WASHC2A: variants seen among roughly 807,000 people sequenced by gnomAD.
WASHC2A encodes the protein WASH complex subunit FAM21A.
In WASHC2A, 82 loss-of-function variants were observed where a neutral mutation model predicts 140.3. The ratio of observed to expected loss-of-function variants is 0.58; its 90% confidence interval spans 0.49 to 0.70. The LOEUF is 0.70. Among genes scored for constraint, WASHC2A ranks in the 30% least tolerant of loss-of-function variants. WASHC2A has a pLI of 0.00. For synonymous variants in WASHC2A, 340 were observed against 560.8 expected, an observed-to-expected ratio of 0.61 and a Z score of 5.56; for missense variants, 985 against 1,521.8, an observed-to-expected ratio of 0.65 and a Z score of 5.87.
chr10:50,133,184 G>A lies in WASHC2A; in HGVS notation c.*239G>A, dbSNP rs941432784. 1.2e-4 allele frequency: 78 copies of A among 626,702 alleles called. No individual in the cohort carries two copies. Among genetic ancestry groups the A allele is most frequent in the Non-Finnish European group, 1.6e-4 (58 of 351,572 alleles). The allele number at this position is 626,702 out of a possible 1,614,324, so 38.8% of individuals were successfully genotyped here. On this transcript the variant is annotated 3_prime_UTR_variant, in exon 31 of 31. Coordinates refer to ENST00000282633, the MANE Select transcript of WASHC2A (RefSeq NM_001005751.3). Reference sequence around the variant, plus strand: ...TGTTTTTAAACCACAGTTTGATTTAGTTAGCCTTGCTGGGGCCATAATATG... The same window carrying A: ...TGTTTTTAAACCACAGTTTGATTTAATTAGCCTTGCTGGGGCCATAATATG...
At chr10:50,127,450 G>A (rs1270624618) in intron 27 of WASHC2A, 133 bp from the exon 28 acceptor site, 35 of 1,602,238 alleles carry the variant, frequency 2.2e-5, no homozygotes, top group Middle Eastern at 2.3e-4. Context: ...AGACTAGATC[G>A]GGCGATTTTC....
chr10:50,068,741 G>T (rs1304289166), intron 2 of WASHC2A, among the ~76,000 whole-genome samples: 1 of 149,660 alleles, frequency 6.7e-6, no homozygotes, highest in African/African-American at 2.5e-5. Context: ...AAAGGAGACA[G>T]GGTTTTGCCC....
Position 50,090,873 on chromosome 10 carries a change from A to G in WASHC2A, c.830A>G (p.Glu277Gly). 1.2e-6 allele frequency: 2 copies of G among 1,611,516 alleles called. No individual in the cohort carries two copies. The highest frequency in any genetic ancestry group is 4.5e-5 in the East Asian group (2 of 44,844). The part of the protein sequence containing the change: ...KEEEDIEDIE[E>G]NTRPKRSRPT... ...GAGGAAGATATTGAGGACATTGAAG[A>G]AAATACTAGACCTGTAAGGAAGGCT... The change falls in exon 9 of 31, where the codon GAA becomes GGA. Residue 277 changes from glutamate to glycine, a missense_variant. Coordinates refer to ENST00000282633, the MANE Select transcript of WASHC2A (RefSeq NM_001005751.3).
In WASHC2A at chr10:50,129,709, G is replaced by C. The variant is rs1389340224; in HGVS notation, c.3378G>C (p.Glu1126Asp). ...AGTCTCTGGGTCATTCCAGAGGGGA[G>C]GCTGACCTTTTTGATTCTGGGGACA... ...FAKSLGHSRG[E>D]ADLFDSGDIF... The change falls in exon 29 of 31, where the codon GAG becomes GAC. Residue 1126 changes from glutamate to aspartate, a missense_variant. Glu to Asp is a conservative substitution (Grantham distance 45). Coordinates refer to ENST00000282633, the MANE Select transcript of WASHC2A (RefSeq NM_001005751.3). 5 of 1,611,956 alleles carry C rather than the reference G, an allele frequency of 3.1e-6. No individual in the cohort carries two copies. The African/African-American group carries it at 6.7e-5, about 22-fold the overall frequency.
rs782122287 is a variant in WASHC2A, at chr10:50,075,109, CT to C, written c.292-3564del. Among the ~76,000 whole-genome samples, 5 of 151,634 alleles carry C rather than the reference CT, an allele frequency of 3.3e-5. No homozygotes were observed. In the East Asian group the frequency reaches 5.8e-4, roughly 18 times the overall value. On this transcript the variant is annotated intron_variant, in intron 3 of 30. Coordinates refer to ENST00000282633, the MANE Select transcript of WASHC2A (RefSeq NM_001005751.3). ...AGCCTACTTTTTTTCTTAATGTGAA[CT>C]TATTTAACCCATCTTTGAGACTTTT...
rs2490899 is a variant in WASHC2A at position 50,104,112 on chromosome 10, T to A, written c.1706T>A (p.Leu569Ter). Reference protein sequence around the residue: ...ASLLPGKLPTLVSLFDDEDEE... With the variant: ...ASLLPGKLPT ...CTGCTGCCTGGCAAGCTCCCCACGT[T>A]GGTTTCCCTGTTTGATGATGAAGAT... Residue 569 changes from leucine (L) to a stop codon, truncating the protein, a stop_gained, in exon 18 of 31, where the codon TTG (leucine) becomes TAG (stop). Coordinates refer to ENST00000282633, the MANE Select transcript of WASHC2A (RefSeq NM_001005751.3). LOFTEE classifies it high-confidence loss of function. The A allele has an allele frequency of 6.5e-6, 9 of 1,385,064 alleles. 3 individuals are homozygous for A. In the Admixed American group the frequency reaches 1.5e-4, roughly 23 times the overall value. The allele number at this position is 1,385,064 out of a possible 1,614,324, so 85.8% of individuals were successfully genotyped here.
chr10:50,078,819 G>C, intron 4 of WASHC2A, 82 bp downstream of exon 4: 1 of 1,611,822 alleles, frequency 6.2e-7, no homozygotes, highest in Non-Finnish European at 8.5e-7. Context: ...GGGAACTGGG[G>C]GATGGTGGGC....
rs1329177438 is a variant in WASHC2A, at chr10:50,110,334, T to G, written c.2039+64T>G. On this transcript the variant is annotated intron_variant, in intron 20 of 30. Coordinates refer to ENST00000282633, the MANE Select transcript of WASHC2A (RefSeq NM_001005751.3). Reference sequence around the variant, plus strand: ...CGTGGTAACAAGAAAAGGAATCTGATGCACAATCTAGTTCATCGGGTGATT... The same window carrying G: ...CGTGGTAACAAGAAAAGGAATCTGAGGCACAATCTAGTTCATCGGGTGATT... The G allele has an allele frequency of 2.8e-4, 452 of 1,604,968 alleles. 3 individuals carry two copies. Among genetic ancestry groups the G allele is most frequent in the Non-Finnish European group, 3.5e-4 (414 of 1,173,794 alleles).
chr10:50,082,140 T>G (rs1589164061), intron 5 of WASHC2A, among the ~76,000 whole-genome samples: 2 of 149,180 alleles, frequency 1.3e-5, no homozygotes, highest in African/African-American at 4.9e-5. Flanking sequence ...CACAGCACTT[T>G]CTCTCTTTTT....
chr10:50,104,606 C>A (rs1269997280), intron 18 of WASHC2A, among the ~76,000 whole-genome samples: 1 of 152,142 alleles, frequency 6.6e-6, no homozygotes, highest in Non-Finnish European at 1.5e-5. Flanking sequence ...ATCCGCCTGC[C>A]TCGGCCTCCC....
intron 2 of WASHC2A, 129 bp from the exon 3 acceptor site, chr10:50,069,418 A>T (rs548927338): frequency 1.3e-6 from 1 of 758,402 alleles, no homozygotes; most frequent in Non-Finnish European, 1.7e-6. Context: ...AACTCTCTCA[A>T]AAAAAAAAAA....
At chr10:50,129,291 T>G in intron 28 of WASHC2A, 128 bp from the exon 29 acceptor site, 1 of 1,525,292 alleles carries the variant, frequency 6.6e-7, no homozygotes, top group Non-Finnish European at 9.0e-7. Flanking sequence ...TTCTATGTTC[T>G]TAGATAATAT....
At chr10:50,129,194 A>G (rs1428129925) in intron 28 of WASHC2A, among the ~76,000 whole-genome samples, 1 of 152,210 alleles carries the variant, frequency 6.6e-6, no homozygotes, top group African/African-American at 2.4e-5. Flanking sequence ...TAAAAAATGG[A>G]GAACTCTAAA....
chr10:50,093,284 A>T lies in WASHC2A; in HGVS notation c.1020A>T (p.Leu340Phe). 9.0e-7 allele frequency: 1 copy of T among 1,114,060 alleles called. No homozygotes were observed. The highest frequency in any genetic ancestry group is 1.3e-6 in the Non-Finnish European group (1 of 758,298). The allele number at this position is 1,114,060 out of a possible 1,614,324, so 69.0% of individuals were successfully genotyped here. A position where few individuals can be genotyped will look rare whatever the true frequency, so the allele number is the denominator to read the frequency against. The change falls in exon 12 of 31, where the codon TTA (leucine) becomes TTT (phenylalanine). Residue 340 changes from leucine to phenylalanine, a missense_variant. Transcript: ENST00000282633. Reference sequence around the variant, plus strand: ...GTTTGCTAGATGAAGAGGATAACTTATTCGCACCCCCCAAGCTGACCGACG... The same window carrying T: ...GTTTGCTAGATGAAGAGGATAACTTTTTCGCACCCCCCAAGCTGACCGACG... ...RTPSDDEEDN[L>F]FAPPKLTDED...
chr10:50,097,731 G>C lies in WASHC2A; in HGVS notation c.1477G>C (p.Glu493Gln). The change falls in exon 16 of 31, where the codon GAA becomes CAA. Residue 493 changes from glutamate to glutamine, a missense_variant. Physicochemically the swap from Glu to Gln is conservative, Grantham distance 29. Coordinates refer to ENST00000282633, the MANE Select transcript of WASHC2A (RefSeq NM_001005751.3). Reference protein sequence around the residue: ...FGDEEGDLFKEKAVASPEATV... With the variant: ...FGDEEGDLFKQKAVASPEATV... ...TGACGAAGAAGGAGATCTGTTCAAA[G>C]AAAAAGCCGTAGCATCGCCAGAAGC... The C allele has an allele frequency of 6.2e-7, 1 of 1,605,944 alleles. No individual in the cohort carries two copies. The highest frequency in any genetic ancestry group is 8.5e-7 in the Non-Finnish European group (1 of 1,177,452).
chr10:50,078,437 A>G (rs1476996560), intron 3 of WASHC2A, among the ~76,000 whole-genome samples: 24 of 151,350 alleles, frequency 1.6e-4, no homozygotes, highest in Middle Eastern at 3.5e-3. Context: ...AAGTTTCATC[A>G]TGTTTCCTAG....
At chr10:50,127,847 A>G (rs932065780) in intron 28 of WASHC2A, 52 bp downstream of exon 28, 4 of 791,468 alleles carry the variant, frequency 5.1e-6, no homozygotes, top group Non-Finnish European at 8.5e-6. Context: ...CAGAACATGC[A>G]TATGCTTCTT....
intron 11 of WASHC2A, 137 bp downstream of exon 11, chr10:50,092,370 C>A (rs1840012847): frequency 1.3e-6 from 2 of 1,525,140 alleles, no homozygotes; most frequent in Non-Finnish European, 1.8e-6. Context: ...TTTTCTAAAG[C>A]CTCTGGGCTG....
chr10:50,074,935 A>C (rs1838171958), intron 3 of WASHC2A, among the ~76,000 whole-genome samples: 2 of 151,674 alleles, frequency 1.3e-5, no homozygotes, highest in Non-Finnish European at 2.9e-5. Context: ...ATAATAAATA[A>C]ATAAATAAAT....
Sources: allele counts gnomAD v4.1 joint callset (sites outside exome capture counted in the v4.1 genomes callset), GRCh38; gene constraint gnomAD v4.1.1; transcripts MANE v1.5; gene names NCBI Gene and HGNC (gene_info 2026-07-23, HGNC 2026-07-21).